Variants in GALNT14 observed in about 807,000 individuals in gnomAD.
The protein encoded by GALNT14 is polypeptide N-acetylgalactosaminyltransferase 14.
A neutral mutation model predicts 77.5 loss-of-function variants in GALNT14; 60 were observed. That is an observed-to-expected ratio of 0.77 (90% confidence interval 0.63 to 0.96). The LOEUF (loss-of-function observed/expected upper bound fraction) is 0.96. Ranked by LOEUF, GALNT14 falls within the 40% of genes least tolerant of loss-of-function variation. The probability of loss-of-function intolerance (pLI) is 0.00; values close to 1 mark genes in which losing one functional copy is unlikely to be tolerated. For missense variants in GALNT14, 710 were observed against 731.0 expected, an observed-to-expected ratio of 0.97 and a Z score of 0.33; for synonymous variants, 280 against 281.7, an observed-to-expected ratio of 0.99 and a Z score of 0.06.
At chr2:31,095,902 T>A (rs913565596) in intron 1 of GALNT14, among the ~76,000 whole-genome samples, 2 of 152,296 alleles carry the variant, frequency 1.3e-5, no homozygotes, top group Non-Finnish European at 2.9e-5. Flanking sequence ...ATATTTATTA[T>A]CCTGCCTAGA....
At chr2:30,966,805 G>T (rs919722904) in intron 2 of GALNT14, among the ~76,000 whole-genome samples, 4 of 152,158 alleles carry the variant, frequency 2.6e-5, no homozygotes, top group Admixed American at 2.6e-4. Context: ...CCTAAATGTG[G>T]CATGTAAAAG....
intron 6 of GALNT14, 89 bp downstream of exon 6, chr2:30,955,529 G>T: frequency 6.6e-7 from 1 of 1,513,532 alleles, no homozygotes; most frequent in Non-Finnish European, 8.9e-7. Flanking sequence ...AGAAGAACTG[G>T]GGGTTGCACA....
intron 11 of GALNT14, among the ~76,000 whole-genome samples, chr2:30,929,029 C>T (rs1018227555): frequency 2.0e-5 from 3 of 152,240 alleles, no homozygotes; most frequent in African/African-American, 7.2e-5. Flanking sequence ...AAGGAGAGAG[C>T]TTAGGCTTGG....
intron 1 of GALNT14, among the ~76,000 whole-genome samples, chr2:30,994,326 CT>C (rs1669892485): frequency 6.6e-6 from 1 of 152,152 alleles, no homozygotes; most frequent in African/African-American, 2.4e-5. Context: ...CTCGGGAAAC[CT>C]GACCAGGGTG....
the GALNT14 span, among the ~76,000 whole-genome samples, chr2:30,904,576 G>A: frequency 1.3e-4 from 20 of 152,328 alleles, no homozygotes; most frequent in African/African-American, 4.1e-4. Context: ...ACGGAGTCTC[G>A]CTGACTGCTA....
At chr2:31,007,129 G>A (rs910107580) in intron 1 of GALNT14, among the ~76,000 whole-genome samples, 9 of 152,168 alleles carry the variant, frequency 5.9e-5, no homozygotes, top group African/African-American at 2.2e-4. Flanking sequence ...TATGTCAAAA[G>A]CAGACCCCGA....
intron 1 of GALNT14, among the ~76,000 whole-genome samples, chr2:31,102,514 A>G (rs1000772850): frequency 6.6e-6 from 1 of 152,162 alleles, no homozygotes; most frequent in South Asian, 2.1e-4. Context: ...GTAATCAGAG[A>G]ATATTGTATT....
At chr2:31,100,702 T>TA (rs35213261) in intron 1 of GALNT14, among the ~76,000 whole-genome samples, 62 of 149,402 alleles carry the variant, frequency 4.1e-4, no homozygotes, top group East Asian at 2.0e-3. Context: ...TTTAGCCTGT[T>TA]AAAAAAAAAA....
chr2:31,052,557 C>T (rs1426693515), intron 1 of GALNT14, among the ~76,000 whole-genome samples: 4 of 152,200 alleles, frequency 2.6e-5, no homozygotes, highest in African/African-American at 9.7e-5. Flanking sequence ...TCAGCCAAGA[C>T]ACCCCTTCCC....
rs531422250 is a variant in GALNT14 at position 30,980,059 on chromosome 2, G to C, written c.299+12779C>G. ...AGTAAGTCTGACATTCAGGCAAATG[G>C]AATGTTCAGAGCCAGGAGCCAAGGC... is the stretch of plus-strand genomic sequence containing the variant. On this transcript the variant is annotated intron_variant, in intron 2 of 14. Coordinates refer to ENST00000349752, the MANE Select transcript of GALNT14 (RefSeq NM_024572.4). 7.2e-5 allele frequency among the ~76,000 whole-genome samples: 11 copies of C among 152,322 alleles called. No homozygotes were observed. In the South Asian group the frequency reaches 1.5e-3, roughly 20 times the overall value.
chr2:30,922,940 T>C (rs769667827), intron 13 of GALNT14, among the ~76,000 whole-genome samples: 1 of 151,962 alleles, frequency 6.6e-6, no homozygotes, highest in African/African-American at 2.4e-5. Context: ...TGAAAAAATC[T>C]CCAAGAAATC....
At chr2:30,888,753 G>A in the GALNT14 span, among the ~76,000 whole-genome samples, 30 of 152,156 alleles carry the variant, frequency 2.0e-4, no homozygotes, top group African/African-American at 6.3e-4. Context: ...GAGGGTGCAG[G>A]GCCCCAAACT....
At chr2:31,111,956 T>C (rs916178772) in intron 1 of GALNT14, among the ~76,000 whole-genome samples, 3 of 151,984 alleles carry the variant, frequency 2.0e-5, no homozygotes, top group African/African-American at 7.2e-5. Context: ...CCTCTAGTGA[T>C]GGGGCTGGAT....
At chr2:31,000,445 G>GTGTGTGTA (rs1670299030) in intron 1 of GALNT14, among the ~76,000 whole-genome samples, 2 of 150,790 alleles carry the variant, frequency 1.3e-5, no homozygotes, top group African/African-American at 4.9e-5. Context: ...CTGTGTGTGT[G>GTGTGTGTA]TGTGTGTGTG....
intron 1 of GALNT14, among the ~76,000 whole-genome samples, chr2:31,133,067 A>G (rs1679063132): frequency 6.6e-6 from 1 of 151,982 alleles, no homozygotes; most frequent in Admixed American, 6.6e-5. Context: ...CAACCCTACC[A>G]ATCAATACTT....
the GALNT14 span, among the ~76,000 whole-genome samples, chr2:30,892,001 G>A: frequency 6.6e-6 from 1 of 152,320 alleles, no homozygotes; most frequent in East Asian, 1.9e-4. Context: ...GAAACCAAGA[G>A]CGAACACCTA....
chr2:30,996,650 T>A (rs1269345816), intron 1 of GALNT14, among the ~76,000 whole-genome samples: 2 of 152,254 alleles, frequency 1.3e-5, no homozygotes, highest in Admixed American at 6.5e-5. Context: ...CATCCCAGCA[T>A]CCCTGGCTAC....
At chr2:31,127,925 A>T (rs1012547672) in intron 1 of GALNT14, among the ~76,000 whole-genome samples, 1 of 152,160 alleles carries the variant, frequency 6.6e-6, no homozygotes, top group Non-Finnish European at 1.5e-5. Context: ...CATAGTTTTT[A>T]AAAATGCAGT....
the GALNT14 span, among the ~76,000 whole-genome samples, chr2:30,897,714 C>T: frequency 1.3e-5 from 2 of 152,192 alleles, no homozygotes; most frequent in African/African-American, 2.4e-5. Context: ...GGCCGGGACC[C>T]GTTTCCTGTG....
Sources: allele counts gnomAD v4.1 joint callset (sites outside exome capture counted in the v4.1 genomes callset), GRCh38; gene constraint gnomAD v4.1.1; transcripts MANE v1.5; gene names NCBI Gene and HGNC (gene_info 2026-07-23, HGNC 2026-07-21).